Variants in RIMBP2 observed in about 807,000 individuals in gnomAD.
RIMBP2 encodes the protein RIMS-binding protein 2.
In RIMBP2, 48 loss-of-function variants were observed where a neutral mutation model predicts 118.6. The observed-to-expected ratio is 0.40, with a 90% CI of 0.32 to 0.51. The LOEUF (loss-of-function observed/expected upper bound fraction) is 0.51, where lower values mean the gene tolerates loss of function less well. Ranked by LOEUF, RIMBP2 falls within the 20% of genes least tolerant of loss-of-function variation. The pLI, the probability that RIMBP2 is intolerant of heterozygous loss-of-function variation, is 0.41. For synonymous variants in RIMBP2, 762 were observed against 742.9 expected (o/e 1.03, Z -0.42); for missense variants, 1,551 against 1,768.3 (o/e 0.88, Z 2.20).
chr12:130,648,658 CTTTT>C (rs575247641), intron 1 of RIMBP2, among the ~76,000 whole-genome samples: 1 of 132,544 alleles, frequency 7.5e-6, no homozygotes, highest in African/African-American at 2.7e-5. Context: ...AAATTAGTAT[CTTTT>C]TTTTTTTTTT....
intron 2 of RIMBP2, among the ~76,000 whole-genome samples, chr12:130,596,459 C>A (rs2059568753): frequency 6.6e-6 from 1 of 151,984 alleles, no homozygotes. Context: ...ATTGCAAAAC[C>A]AGGATGTGAA....
chr12:130,495,201 G>A (rs2138540629), intron 4 of RIMBP2, among the ~76,000 whole-genome samples: 1 of 152,326 alleles, frequency 6.6e-6, no homozygotes, highest in South Asian at 2.1e-4. Context: ...GGGGAACACA[G>A]CTGGCCCTCT....
At chr12:130,561,664 T>G (rs1249687110) in intron 2 of RIMBP2, among the ~76,000 whole-genome samples, 1 of 152,174 alleles carries the variant, frequency 6.6e-6, no homozygotes, top group Non-Finnish European at 1.5e-5. Context: ...TCATTTGCGG[T>G]AGCTCTGAAA....
intron 14 of RIMBP2, chr12:130,430,194 C>T (rs934755149): frequency 2.6e-5 from 4 of 152,256 alleles, no homozygotes; most frequent in African/African-American, 7.2e-5. Flanking sequence ...TCTGCCCTTG[C>T]CTCTGCTGAC....
rs1325066892 is a variant in RIMBP2 at position 130,407,435 on chromosome 12, G to A, written c.3693+291C>T. The stretch of plus-strand genomic sequence containing the variant: ...TCTCTCCTAAAGATGGCCCTCAGGT[G>A]GCATCACCATTAGATGTGGATGACA... On this transcript the variant is annotated intron_variant, in intron 20 of 22. Coordinates refer to ENST00000690449, the MANE Select transcript of RIMBP2 (RefSeq NM_001393629.1). 1.3e-5 allele frequency among the ~76,000 whole-genome samples: 2 copies of A among 152,186 alleles called. 1 individual carries two copies.
At chr12:130,646,064 TG>T (rs2062874288) in intron 1 of RIMBP2, among the ~76,000 whole-genome samples, 4 of 121,816 alleles carry the variant, frequency 3.3e-5, no homozygotes, top group Admixed American at 1.7e-4. Flanking sequence ...CCTCACCACC[TG>T]CCTCTCCACC....
In RIMBP2 at chr12:130,523,590, G is replaced by A. The variant is rs1261224301; in HGVS notation, c.-216-5673C>T. Among the ~76,000 whole-genome samples the A allele has an allele frequency of 6.6e-6, 1 of 152,208 alleles. No individual in the cohort carries two copies. The highest frequency in any genetic ancestry group is 1.5e-5 in the Non-Finnish European group (1 of 68,040). On this transcript the variant is annotated intron_variant, in intron 2 of 22. Transcript: ENST00000690449. This position sits in a 1 kb window ranked among gnomAD's most constrained non-coding sequence, Gnocchi z 4.4. ...AATCCCCATTTCAATGGACAAGGTGGCCGCTTCTCTGGGGGAGAAACTGAC... is the reference window on the plus strand; with the variant it reads ...AATCCCCATTTCAATGGACAAGGTGACCGCTTCTCTGGGGGAGAAACTGAC...
chr12:130,571,397 T>C (rs2057636378), intron 2 of RIMBP2, among the ~76,000 whole-genome samples: 1 of 149,712 alleles, frequency 6.7e-6, no homozygotes, highest in South Asian at 2.1e-4. Flanking sequence ...CCGTGTGTGC[T>C]ACTGCTACCC....
chr12:130,651,807 T>C (rs1182818657), intron 1 of RIMBP2, among the ~76,000 whole-genome samples: 4 of 152,266 alleles, frequency 2.6e-5, no homozygotes, highest in African/African-American at 9.6e-5. Context: ...GTACCAGCTC[T>C]ACTCTTCGTT....
chr12:130,632,979 A>G (rs1169390289), intron 1 of RIMBP2, among the ~76,000 whole-genome samples: 1 of 152,208 alleles, frequency 6.6e-6, no homozygotes, highest in Non-Finnish European at 1.5e-5. Context: ...CACGGAGCAC[A>G]GGATCATGCC....
intron 1 of RIMBP2, among the ~76,000 whole-genome samples, chr12:130,645,537 C>G (rs1010288736): frequency 6.6e-6 from 1 of 152,214 alleles, no homozygotes; most frequent in Non-Finnish European, 1.5e-5. Flanking sequence ...GCAGAGAACT[C>G]AAGCCAGTTC....
intron 1 of RIMBP2, among the ~76,000 whole-genome samples, chr12:130,677,661 C>T (rs1159668654): frequency 6.6e-6 from 1 of 152,014 alleles, no homozygotes; most frequent in Non-Finnish European, 1.5e-5. Flanking sequence ...TTACCTTTAG[C>T]ACAGGTGTTA....
chr12:130,456,722 G>C, intron 6 of RIMBP2, 22 bp from the exon 7 acceptor site: 1 of 1,563,396 alleles, frequency 6.4e-7, no homozygotes, highest in Non-Finnish European at 8.7e-7. Context: ...AAGCAGGACA[G>C]GGGGTCAGCG....
At chr12:130,435,859 C>T (rs956117431) in intron 13 of RIMBP2, among the ~76,000 whole-genome samples, 3 of 152,214 alleles carry the variant, frequency 2.0e-5, no homozygotes, top group Admixed American at 2.0e-4. Context: ...GTGTCACCAT[C>T]GTCCTTTCTG....
intron 1 of RIMBP2, among the ~76,000 whole-genome samples, chr12:130,682,869 T>A (rs2064863366): frequency 6.6e-6 from 1 of 152,242 alleles, no homozygotes; most frequent in South Asian, 2.1e-4. Flanking sequence ...AATAAGATTG[T>A]TCACATCCAA....
chr12:130,492,019 G>T (rs1459454049), intron 4 of RIMBP2, among the ~76,000 whole-genome samples: 2 of 152,186 alleles, frequency 1.3e-5, no homozygotes, highest in African/African-American at 4.8e-5. Flanking sequence ...CAGATCAAAC[G>T]TGGACTTGTC....
At chr12:130,568,574 C>G (rs2057399707) in intron 2 of RIMBP2, among the ~76,000 whole-genome samples, 2 of 152,214 alleles carry the variant, frequency 1.3e-5, no homozygotes, top group Admixed American at 1.3e-4. Context: ...AATGGAGAGA[C>G]AAGCTCTGCC....
At position 130,428,343 on chromosome 12, in the gene RIMBP2, G is replaced by T. The variant is rs1451427604; in HGVS notation, c.2254-6C>A. ...TCTCCATGGCAACAGTGCGGCTGGGGGCCAAGAAAAGGGGCTACTGAGCGG... is the reference window on the plus strand; with the variant it reads ...TCTCCATGGCAACAGTGCGGCTGGGTGCCAAGAAAAGGGGCTACTGAGCGG... On this transcript the variant is annotated splice_region_variant and splice_polypyrimidine_tract_variant and intron_variant, in intron 14 of 22. Coordinates refer to ENST00000690449, the MANE Select transcript of RIMBP2 (RefSeq NM_001393629.1). 1 of 1,601,036 alleles carries T rather than the reference G, an allele frequency of 6.2e-7. No individual in the cohort carries two copies. Among genetic ancestry groups the T allele is most frequent in the Non-Finnish European group, 8.5e-7 (1 of 1,173,358 alleles).
At chr12:130,608,106 T>A (rs116085150) in intron 2 of RIMBP2, among the ~76,000 whole-genome samples, 3 of 152,220 alleles carry the variant, frequency 2.0e-5, no homozygotes, top group Admixed American at 2.0e-4. Flanking sequence ...CAACCTTCCA[T>A]GTCTGACCTC....
Sources: gnomAD v4.1 joint callset for allele counts (sites outside exome capture counted in the v4.1 genomes callset) on GRCh38, gnomAD v4.1.1 for gene constraint, Gnocchi (gnomAD v3.1) non-coding constraint, MANE v1.5 for transcripts, NCBI Gene and HGNC (gene_info 2026-07-23, HGNC 2026-07-21) for gene names.